Variants in ATP13A4 observed in about 807,000 individuals in gnomAD.
ATP13A4 encodes probable cation-transporting ATPase 13A4.
A neutral mutation model predicts 142.5 loss-of-function variants in ATP13A4; 114 were observed. The observed-to-expected ratio is 0.80, with a 90% CI of 0.69 to 0.93. The LOEUF (loss-of-function observed/expected upper bound fraction) is 0.93. ATP13A4 is among the 40% of genes least tolerant of loss of function. ATP13A4 has a pLI of 0.00. For missense variants in ATP13A4, 1,392 were observed against 1,454.0 expected (o/e 0.96, Z 0.69); for synonymous variants, 488 against 514.8 (o/e 0.95, Z 0.70).
At chr3:193,452,867 A>G (rs910928024) in intron 17 of ATP13A4, among the ~76,000 whole-genome samples, 1 of 151,684 alleles carries the variant, frequency 6.6e-6, no homozygotes, top group Non-Finnish European at 1.5e-5. Context: ...ACATATAAAC[A>G]CAAAGTATTT....
intron 23 of ATP13A4, 51 bp downstream of exon 23, chr3:193,438,424 G>A (rs754990570): frequency 7.1e-7 from 1 of 1,411,376 alleles, no homozygotes; most frequent in Non-Finnish European, 1.0e-6. Context: ...AATGTGATTT[G>A]CACCAGAAGT....
chr3:193,407,517 T>A, intron 28 of ATP13A4, 124 bp from the exon 29 acceptor site: 1 of 683,596 alleles, frequency 1.5e-6, no homozygotes, highest in Non-Finnish European at 2.6e-6. Flanking sequence ...TGTGTGTATA[T>A]TACATATATC....
At chr3:193,548,211 A>G (rs1723333725) in intron 1 of ATP13A4, among the ~76,000 whole-genome samples, 2 of 152,298 alleles carry the variant, frequency 1.3e-5, no homozygotes, top group South Asian at 2.1e-4. Flanking sequence ...AATTACTCAA[A>G]CCACTCCTAC....
At chr3:193,522,387 C>T (rs992833680) in intron 1 of ATP13A4, among the ~76,000 whole-genome samples, 2 of 152,288 alleles carry the variant, frequency 1.3e-5, no homozygotes, top group East Asian at 3.9e-4. Flanking sequence ...CCCTAAATAT[C>T]TATTTTGTCA....
chr3:193,556,076 T>C (rs997157589), upstream of ATP13A4, among the ~76,000 whole-genome samples: 4 of 152,134 alleles, frequency 2.6e-5, no homozygotes, highest in Non-Finnish European at 5.9e-5. Context: ...AAGGCCTGAG[T>C]TCAAATTTGG....
At chr3:193,502,661 C>A in intron 2 of ATP13A4, 22 bp from the exon 3 acceptor site, 1 of 1,611,858 alleles carries the variant, frequency 6.2e-7, no homozygotes, top group South Asian at 1.1e-5. Context: ...GACATCAAAA[C>A]CCCCAAGAAG....
At chr3:193,449,958 A>G (rs887316719) in intron 17 of ATP13A4, among the ~76,000 whole-genome samples, 4 of 152,022 alleles carry the variant, frequency 2.6e-5, no homozygotes, top group Non-Finnish European at 5.9e-5. Context: ...CATCCCTACT[A>G]AAAATACAAC....
chr3:193,512,185 G>A lies in ATP13A4; in HGVS notation c.234+2513C>T, dbSNP rs146350254. Among the ~76,000 whole-genome samples, 464 of 152,238 alleles carry A rather than the reference G, an allele frequency of 3.0e-3. 5 individuals are homozygous for A. Among genetic ancestry groups the A allele is most frequent in the Middle Eastern group, 0.02 (6 of 294 alleles). ...GAGAACTAGTTGAGGGCATACAGAT[G>A]GACTTGTAGAGTACAGTTAAATTAC... On this transcript the variant is annotated intron_variant, in intron 2 of 29. Transcript: ENST00000342695.
chr3:193,464,850 G>C, intron 12 of ATP13A4, 90 bp downstream of exon 12: 5 of 1,378,266 alleles, frequency 3.6e-6, no homozygotes, highest in Non-Finnish European at 4.1e-6. Flanking sequence ...CACATTCTAT[G>C]TCTCCTGCCT....
chr3:193,399,614 C>T lies in ATP13A4; in HGVS notation c.*3038G>A, dbSNP rs925683279. Among the ~76,000 whole-genome samples the T allele has an allele frequency of 5.9e-5, 9 of 151,964 alleles. No homozygotes were observed. Among genetic ancestry groups the T allele is most frequent in the South Asian group, 2.1e-4 (1 of 4,812 alleles). ...CTGTAATCCCGGCACTTTGGGAGGC[C>T]GAGGCGGGCGGATCACGAGGTCAGG... On this transcript the variant is annotated 3_prime_UTR_variant, in exon 30 of 30. Transcript: ENST00000342695.
intron 2 of ATP13A4, among the ~76,000 whole-genome samples, chr3:193,506,601 G>A (rs1336613713): frequency 5.9e-5 from 9 of 152,014 alleles, no homozygotes; most frequent in Admixed American, 2.6e-4. Context: ...ATGGTTTGGC[G>A]GTGTCCCCAT....
At chr3:193,429,781 A>G (rs900117864) in intron 25 of ATP13A4, among the ~76,000 whole-genome samples, 2 of 152,106 alleles carry the variant, frequency 1.3e-5, no homozygotes, top group Admixed American at 6.6e-5. Context: ...ATTTTGTTAT[A>G]TAATTTTACC....
At chr3:193,506,762 G>A (rs1720883539) in intron 2 of ATP13A4, among the ~76,000 whole-genome samples, 1 of 152,100 alleles carries the variant, frequency 6.6e-6, no homozygotes, top group East Asian at 1.9e-4. Context: ...TTTATAAGGG[G>A]CTTTCACCCT....
Position 193,413,926 on chromosome 3 carries a change from C to T in ATP13A4, c.3014+653G>A, listed in dbSNP as rs148309034. 6.9e-4 allele frequency among the ~76,000 whole-genome samples: 105 copies of T among 152,246 alleles called. 1 individual carries two copies. Among genetic ancestry groups the T allele is most frequent in the African/African-American group, 2.3e-3 (97 of 41,558 alleles). On this transcript the variant is annotated intron_variant, in intron 26 of 29. Transcript: ENST00000342695. ...CCTCAGAAGCATGTGATCTTTGTGA[C>T]CTACTCCCTGTTCATACACCCCCTC...
intron 25 of ATP13A4, among the ~76,000 whole-genome samples, chr3:193,420,880 T>G (rs189071593): frequency 6.7e-6 from 1 of 148,712 alleles, no homozygotes; most frequent in Admixed American, 7.0e-5. Flanking sequence ...AAAGAAAAAA[T>G]GAATATAAAA....
At chr3:193,467,594 T>A (rs1718379216) in intron 9 of ATP13A4, 108 bp from the exon 10 acceptor site, 5 of 1,132,446 alleles carry the variant, frequency 4.4e-6, no homozygotes, top group Middle Eastern at 2.8e-4. Flanking sequence ...GAGCCTACCA[T>A]GTGGCAGAGA....
chr3:193,421,181 A>C (rs1301586299), intron 25 of ATP13A4, among the ~76,000 whole-genome samples: 1 of 150,072 alleles, frequency 6.7e-6, no homozygotes, highest in African/African-American at 2.4e-5. Context: ...AAAGTGCCAA[A>C]TCACAAATAA....
At chr3:193,505,837 T>A (rs191269435) in intron 2 of ATP13A4, among the ~76,000 whole-genome samples, 1 of 152,294 alleles carries the variant, frequency 6.6e-6, no homozygotes, top group Non-Finnish European at 1.5e-5. Context: ...TTTGGGGTTG[T>A]CCAATATGGC....
intron 1 of ATP13A4, among the ~76,000 whole-genome samples, chr3:193,536,229 T>C (rs148408239): frequency 1.3e-5 from 2 of 152,062 alleles, no homozygotes; most frequent in East Asian, 3.9e-4. Flanking sequence ...GAGAAGCAAA[T>C]TTCCTTAACA....
Sources: gnomAD v4.1 joint callset for allele counts (sites outside exome capture counted in the v4.1 genomes callset) on GRCh38, gnomAD v4.1.1 for gene constraint, MANE v1.5 for transcripts, NCBI Gene and HGNC (gene_info 2026-07-23, HGNC 2026-07-21) for gene names.